The following SEMA3C variants were observed in gnomAD, a reference collection of about 807,000 sequenced individuals.
SEMA3C encodes the protein semaphorin-3C.
A neutral mutation model predicts 89.4 loss-of-function variants in SEMA3C; 47 were observed. The ratio of observed to expected loss-of-function variants is 0.53; its 90% CI spans 0.42 to 0.67. SEMA3C has a LOEUF of 0.67. Among genes scored for constraint, SEMA3C ranks in the 30% least tolerant of loss-of-function variants. The pLI, the probability that SEMA3C is intolerant of heterozygous loss-of-function variation, is 0.00. For synonymous variants in SEMA3C, 310 were observed against 320.2 expected (o/e 0.97, Z 0.34); for missense variants, 839 against 929.1 (o/e 0.90, Z 1.26).
chr7:80,828,822 G>T, intron 2 of SEMA3C, 77 bp from the exon 3 acceptor site: 1 of 1,113,328 alleles, frequency 9.0e-7, no homozygotes. Flanking sequence ...AAACTATTAT[G>T]CAAATATTCC....
chr7:80,846,461 A>G (rs1457438730), intron 2 of SEMA3C, among the ~76,000 whole-genome samples: 1 of 152,100 alleles, frequency 6.6e-6, no homozygotes, highest in Non-Finnish European at 1.5e-5. Context: ...GGCTCAGGGG[A>G]TCATCCCGCC....
chr7:80,850,618 G>A (rs938578479), intron 2 of SEMA3C, among the ~76,000 whole-genome samples: 6 of 152,050 alleles, frequency 3.9e-5, no homozygotes, highest in South Asian at 2.1e-4. Context: ...GGGAGGAGAC[G>A]GTCACCGGAG....
At chr7:80,904,929 A>T (rs1583997054) in intron 2 of SEMA3C, among the ~76,000 whole-genome samples, 1 of 152,156 alleles carries the variant, frequency 6.6e-6, no homozygotes, top group East Asian at 2.0e-4. Context: ...CCAAAAATTC[A>T]GAATTACAGT....
chr7:80,856,064 C>T (rs181197990), intron 2 of SEMA3C, among the ~76,000 whole-genome samples: 290 of 152,146 alleles, frequency 1.9e-3, no homozygotes, highest in Admixed American at 3.3e-3. Flanking sequence ...GTATTTCACA[C>T]ATTAGCAAAG....
chr7:80,822,955 C>T (rs1171293733), intron 4 of SEMA3C, among the ~76,000 whole-genome samples: 10 of 152,162 alleles, frequency 6.6e-5, no homozygotes, highest in Admixed American at 6.6e-4. Flanking sequence ...TGAATGAAGC[C>T]TTAGAGACTT....
At chr7:80,829,045 T>C (rs1789948738) in intron 2 of SEMA3C, among the ~76,000 whole-genome samples, 1 of 152,028 alleles carries the variant, frequency 6.6e-6, no homozygotes, top group Non-Finnish European at 1.5e-5. Flanking sequence ...TATGTGTCTT[T>C]AGTCCCAGAT....
intron 11 of SEMA3C, among the ~76,000 whole-genome samples, chr7:80,797,461 T>C (rs1360537251): frequency 6.6e-6 from 1 of 152,248 alleles, no homozygotes; most frequent in Non-Finnish European, 1.5e-5. Context: ...ACAGTACTTC[T>C]AGTTCAGACC....
At chr7:80,883,403 G>C (rs952322482) in intron 2 of SEMA3C, among the ~76,000 whole-genome samples, 3 of 152,286 alleles carry the variant, frequency 2.0e-5, no homozygotes, top group East Asian at 1.9e-4. Context: ...GTCTGTGTTT[G>C]AACTGTGCTT....
intron 12 of SEMA3C, among the ~76,000 whole-genome samples, chr7:80,774,924 C>G (rs1299074602): frequency 2.6e-5 from 4 of 151,668 alleles, no homozygotes; most frequent in African/African-American, 9.7e-5. Context: ...TTTATGTAAA[C>G]TGCTGAAAAC....
At chr7:80,777,663 T>C (rs1190364637) in intron 12 of SEMA3C, among the ~76,000 whole-genome samples, 1 of 152,216 alleles carries the variant, frequency 6.6e-6, no homozygotes, top group African/African-American at 2.4e-5. Flanking sequence ...TGGGAATATC[T>C]CTTGATCTAC....
In SEMA3C at chr7:80,743,098, T is replaced by G. The variant is rs924831997; in HGVS notation, c.*1796A>C. ...ATGGTTTTGGCTTTACATTGACACA[T>G]TTCTGTGTGTCAATGTAGAAGAGAA... On this transcript the variant is annotated 3_prime_UTR_variant, in exon 18 of 18. Transcript: ENST00000265361. 11 of 152,056 alleles carry G rather than the reference T, an allele frequency of 7.2e-5. No homozygotes were observed. Among genetic ancestry groups the G allele is most frequent in the African/African-American group, 2.4e-4 (10 of 41,558 alleles). 9.4% of individuals were successfully genotyped at this position (152,056 alleles called of 1,614,324 possible).
intron 2 of SEMA3C, among the ~76,000 whole-genome samples, chr7:80,904,771 T>C (rs991601837): frequency 6.6e-6 from 1 of 152,162 alleles, no homozygotes; most frequent in East Asian, 1.9e-4. Flanking sequence ...TGGACAGTTT[T>C]ACAACACTAG....
Position 80,800,846 on chromosome 7 carries a change from C to T in SEMA3C, c.917-20G>A. 6.8e-7 allele frequency: 1 copy of T among 1,463,670 alleles called. No individual in the cohort carries two copies. 90.7% of individuals were successfully genotyped at this position (1,463,670 alleles called of 1,614,324 possible). A position where few individuals can be genotyped will look rare whatever the true frequency, so the allele number is the denominator to read the frequency against. ...CATCCTCTATAAAAAGGAAAATATT[C>T]TTTTAAAGTTTCTAAATATTAACTT... On this transcript the variant is annotated intron_variant, in intron 9 of 17. Coordinates refer to ENST00000265361, the MANE Select transcript of SEMA3C (RefSeq NM_006379.5).
intron 15 of SEMA3C, among the ~76,000 whole-genome samples, chr7:80,751,844 A>T (rs1369501249): frequency 6.6e-6 from 1 of 152,248 alleles, no homozygotes; most frequent in African/African-American, 2.4e-5. Context: ...GGGACATTTA[A>T]TAAAAAGTTA....
intron 12 of SEMA3C, among the ~76,000 whole-genome samples, chr7:80,766,983 G>C (rs1788319147): frequency 6.6e-6 from 1 of 152,178 alleles, no homozygotes; most frequent in Non-Finnish European, 1.5e-5. Flanking sequence ...GCAGGAATCA[G>C]GGGAGAAGGA....
intron 2 of SEMA3C, chr7:80,915,823 C>T (rs1279168655): frequency 6.7e-6 from 1 of 149,556 alleles, no homozygotes; most frequent in Admixed American, 6.7e-5. Flanking sequence ...TATTGTTTAT[C>T]AAATGAAAGA....
At chr7:80,881,365 TATGGAA>T (rs1791336246) in intron 2 of SEMA3C, among the ~76,000 whole-genome samples, 1 of 152,202 alleles carries the variant, frequency 6.6e-6, no homozygotes, top group African/African-American at 2.4e-5. Context: ...CTGTAAGTTA[TATGGAA>T]ATTTGCAATG....
At chr7:80,903,655 C>A (rs991359752) in intron 2 of SEMA3C, among the ~76,000 whole-genome samples, 1 of 152,104 alleles carries the variant, frequency 6.6e-6, no homozygotes, top group Non-Finnish European at 1.5e-5. Flanking sequence ...GAGCAAGACT[C>A]TGTCTCAAAA....
At chr7:80,839,529 AT>A (rs1462173656) in intron 2 of SEMA3C, among the ~76,000 whole-genome samples, 6 of 152,108 alleles carry the variant, frequency 3.9e-5, no homozygotes, top group Non-Finnish European at 7.4e-5. Context: ...GTCATTAAAA[AT>A]TTTTTTTGTG....
Sources: gnomAD v4.1 joint callset for allele counts (sites outside exome capture counted in the v4.1 genomes callset) on GRCh38, gnomAD v4.1.1 for gene constraint, MANE v1.5 for transcripts, NCBI Gene and HGNC (gene_info 2026-07-23, HGNC 2026-07-21) for gene names.